Variants in ZNF469 observed in about 807,000 individuals in gnomAD.
The protein encoded by ZNF469 is zinc finger protein 469.
A neutral mutation model predicts 1.0 loss-of-function variants in ZNF469; 1 was observed. The observed-to-expected ratio is 1.00, with a 90% confidence interval of 0.35 to 4.73. The LOEUF (loss-of-function observed/expected upper bound fraction) is 4.73. ZNF469 is among the 30% of genes most tolerant of loss of function. The pLI, the probability that ZNF469 is intolerant of heterozygous loss-of-function variation, is 0.16. For synonymous variants in ZNF469, 2,703 were observed against 2,363.4 expected (o/e 1.14, Z -4.17); for missense variants, 6,100 against 5,356.3 (o/e 1.14, Z -4.33).
chr16:88,245,489 TG>T, the ZNF469 span, among the ~76,000 whole-genome samples: 2 of 152,246 alleles, frequency 1.3e-5, no homozygotes, highest in African/African-American at 4.8e-5. Context: ...TCTCCCTCTG[TG>T]GGTCCTGGAG....
the ZNF469 span, among the ~76,000 whole-genome samples, chr16:88,245,760 G>A: frequency 6.6e-6 from 1 of 152,280 alleles, no homozygotes; most frequent in Admixed American, 6.5e-5. Context: ...TGTTTACTCT[G>A]GATCAGAGCT....
the ZNF469 span, among the ~76,000 whole-genome samples, chr16:88,197,883 TC>T: frequency 6.6e-6 from 1 of 152,206 alleles, no homozygotes. Context: ...GGACCAGTGA[TC>T]CCAGCAGAGC....
chr16:88,167,314 G>A, the ZNF469 span, among the ~76,000 whole-genome samples: 15 of 152,082 alleles, frequency 9.9e-5, no homozygotes, highest in East Asian at 2.3e-3. Flanking sequence ...CGCCCGCCTC[G>A]GCCTCTCAAA....
chr16:88,146,194 C>T, the ZNF469 span, among the ~76,000 whole-genome samples: 2 of 152,238 alleles, frequency 1.3e-5, no homozygotes, highest in Admixed American at 6.5e-5. Context: ...CACCACGACC[C>T]ACCCGGGCCC....
the ZNF469 span, among the ~76,000 whole-genome samples, chr16:88,135,749 T>TTTTATTC: frequency 0.015 from 217 of 14,480 alleles, 80 homozygotes; most frequent in Middle Eastern, 0.077. Context: ...GCTGGCCATG[T>TTTTATTC]TTTTTTTTTT....
chr16:88,259,029 G>A, the ZNF469 span, among the ~76,000 whole-genome samples: 1 of 152,238 alleles, frequency 6.6e-6, no homozygotes, highest in Admixed American at 6.5e-5. This position sits in a 1 kb window ranked among gnomAD's most constrained non-coding sequence, Gnocchi z 4.1. Flanking sequence ...GACTGAGCAC[G>A]CCATTTCCTC....
chr16:88,223,625 C>T, the ZNF469 span, among the ~76,000 whole-genome samples: 1 of 152,158 alleles, frequency 6.6e-6, no homozygotes, highest in African/African-American at 2.4e-5. Flanking sequence ...GATGCCTCGA[C>T]CCTGGTGCCT....
At position 88,430,553 on chromosome 16, in the gene ZNF469, G is replaced by A. The variant is rs1301607408; in HGVS notation, c.3083G>A (p.Arg1028His). 2.7e-6 allele frequency: 4 copies of A among 1,470,034 alleles called. No homozygotes were observed. Among genetic ancestry groups the A allele is most frequent in the Non-Finnish European group, 3.6e-6 (4 of 1,117,848 alleles). The allele number at this position is 1,470,034 out of a possible 1,614,324, so 91.1% of individuals were successfully genotyped here. A position where few individuals can be genotyped will look rare whatever the true frequency, so the allele number is the denominator to read the frequency against. The change falls in exon 3 of 3, where the codon CGC becomes CAC. Residue 1028 changes from arginine to histidine, a missense_variant. Arg to His is a conservative substitution (Grantham distance 29). Transcript: ENST00000565624. ...LPEETRSSRR[R>H]RLPPRKDPRK... ...GAGGAGACCCGCAGCTCCCGGCGCC[G>A]CCGGCTGCCCCCCAGGAAGGACCCC...
the ZNF469 span, among the ~76,000 whole-genome samples, chr16:88,248,646 AAG>A: frequency 6.6e-6 from 1 of 152,246 alleles, no homozygotes; most frequent in African/African-American, 2.4e-5. Flanking sequence ...CATTAAATAA[AAG>A]AGAGAGTGTT....
At chr16:88,329,207 G>A in the ZNF469 span, among the ~76,000 whole-genome samples, 23 of 152,310 alleles carry the variant, frequency 1.5e-4, no homozygotes, top group South Asian at 4.2e-4. Context: ...GCTGCTGTCC[G>A]TGACTGGGCA....
the ZNF469 span, among the ~76,000 whole-genome samples, chr16:88,132,796 T>C: frequency 0.13 from 20,349 of 152,006 alleles, 1,504 homozygotes; most frequent in East Asian, 0.28. Flanking sequence ...GCTTCCTCTT[T>C]AGTGAAGTCA....
At position 88,433,009 on chromosome 16, in the gene ZNF469, G is replaced by A. The variant is rs771704621; in HGVS notation, c.5539G>A (p.Ala1847Thr). Reference protein sequence around the residue: ...GRAGGHLHPTAGRPGFEGNEF... With the variant: ...GRAGGHLHPTTGRPGFEGNEF... ...AGCAGGTGGGCACCTCCACCCCACG[G>A]CAGGGAGGCCTGGCTTTGAGGGTAA... Residue 1847 changes from alanine to threonine, a missense_variant, in exon 3 of 3, where the codon GCA becomes ACA. Physicochemically the swap from Ala to Thr is moderately conservative, Grantham distance 58. Coordinates refer to ENST00000565624, the MANE Select transcript of ZNF469 (RefSeq NM_001367624.2). The A allele has an allele frequency of 1.4e-5, 21 of 1,550,262 alleles. No individual in the cohort carries two copies. The African/African-American group carries it at 1.9e-4, about 14-fold the overall frequency.
chr16:88,107,727 G>A, the ZNF469 span, among the ~76,000 whole-genome samples: 20 of 152,360 alleles, frequency 1.3e-4, no homozygotes, highest in East Asian at 1.4e-3. Flanking sequence ...ACATAGACGC[G>A]GAGGCAGAGA....
Position 88,429,831 on chromosome 16 carries a change from C to G in ZNF469, c.2361C>G (p.His787Gln), listed in dbSNP as rs886052395. The change falls in exon 3 of 3, where the codon CAC becomes CAG. Residue 787 changes from histidine (H) to glutamine (Q), a missense_variant. Coordinates refer to ENST00000565624, the MANE Select transcript of ZNF469 (RefSeq NM_001367624.2). ...PAAPRVPADA[H>Q]AGLLSHAKTF... ...CCCCCAGAGTCCCTGCCGACGCACA[C>G]GCGGGCTTGCTCAGCCACGCGAAGA... 6.5e-6 allele frequency: 10 copies of G among 1,547,392 alleles called. No homozygotes were observed. The highest frequency in any genetic ancestry group is 2.7e-5 in the African/African-American group (2 of 73,002).
chr16:88,175,937 C>T, the ZNF469 span, among the ~76,000 whole-genome samples: 1 of 152,294 alleles, frequency 6.6e-6, no homozygotes, highest in African/African-American at 2.4e-5. Context: ...AGGAATTATC[C>T]TACCTTAATC....
the ZNF469 span, among the ~76,000 whole-genome samples, chr16:88,102,793 C>A: frequency 6.6e-6 from 1 of 152,246 alleles, no homozygotes; most frequent in East Asian, 1.9e-4. Context: ...ACCAAGGCGT[C>A]CACCGCAGGG....
chr16:88,101,693 T>G, the ZNF469 span, among the ~76,000 whole-genome samples: 1 of 152,160 alleles, frequency 6.6e-6, no homozygotes, highest in East Asian at 1.9e-4. Context: ...CTTTACGATA[T>G]TTATAAGAAC....
chr16:88,238,187 G>A, the ZNF469 span, among the ~76,000 whole-genome samples: 7 of 152,346 alleles, frequency 4.6e-5, no homozygotes, highest in Middle Eastern at 3.4e-3. Context: ...GGATGCCCAC[G>A]CTGCCATGTG....
At chr16:88,332,585 T>C in the ZNF469 span, among the ~76,000 whole-genome samples, 1 of 152,360 alleles carries the variant, frequency 6.6e-6, no homozygotes, top group Non-Finnish European at 1.5e-5. Context: ...CCTTTCTGTG[T>C]GCACCTCTGG....
Sources: gnomAD v4.1 joint callset for allele counts (sites outside exome capture counted in the v4.1 genomes callset) on GRCh38, gnomAD v4.1.1 for gene constraint, Gnocchi (gnomAD v3.1) non-coding constraint, MANE v1.5 for transcripts, NCBI Gene and HGNC (gene_info 2026-07-23, HGNC 2026-07-21) for gene names.